The following FGD6 variants were observed in gnomAD, a reference collection of about 807,000 sequenced individuals.
FGD6 encodes FYVE, RhoGEF and PH domain-containing protein 6.
FGD6 carries 90 observed loss-of-function variants against 149.4 expected under a neutral mutation model. That is an observed-to-expected ratio of 0.60 (90% CI 0.51 to 0.72). The LOEUF is 0.72. Among genes scored for constraint, FGD6 ranks in the 30% least tolerant of loss-of-function variants. The probability of loss-of-function intolerance (pLI) is 0.00; values close to 1 mark genes in which losing one functional copy is unlikely to be tolerated. For missense variants in FGD6, 1,437 were observed against 1,684.8 expected (o/e 0.85, Z 2.57); for synonymous variants, 527 against 584.0 (o/e 0.90, Z 1.41).
At chr12:95,127,948 CTAATGTAA>C in intron 8 of FGD6, among the ~76,000 whole-genome samples, 1 of 152,168 alleles carries the variant, frequency 6.6e-6, no homozygotes, top group East Asian at 1.9e-4. Flanking sequence ...TGTTTCAACA[CTAATGTAA>C]TAACCTTCCA....
chr12:95,116,746 A>C (rs957792840), intron 8 of FGD6: 21 of 414,302 alleles, frequency 5.1e-5, no homozygotes, highest in Non-Finnish European at 9.2e-5. Context: ...TCTCCAACTT[A>C]TCCATCCATC....
chr12:95,144,460 T>G (rs1327808978), intron 5 of FGD6, among the ~76,000 whole-genome samples: 2 of 152,092 alleles, frequency 1.3e-5, no homozygotes, highest in Non-Finnish European at 2.9e-5. Context: ...TGGCGTGATC[T>G]CAGCTCACCA....
chr12:95,177,622 T>C (rs7975658), intron 2 of FGD6, among the ~76,000 whole-genome samples: 133,116 of 152,134 alleles, frequency 0.87, 58,580 homozygotes, highest in African/African-American at 0.96. Flanking sequence ...AAATGCTGTC[T>C]CATTATGACT....
At chr12:95,137,481 A>G (rs1879700736) in intron 7 of FGD6, 41 bp downstream of exon 7, 12 of 1,427,520 alleles carry the variant, frequency 8.4e-6, no homozygotes, top group Non-Finnish European at 1.1e-5. Context: ...TTCAACAACA[A>G]AAAGAAAGAG....
Position 95,091,697 on chromosome 12 carries a change from T to C in FGD6, c.3850+10A>G, listed in dbSNP as rs1878058293. On this transcript the variant is annotated intron_variant, in intron 17 of 20. Transcript: ENST00000343958. Reference sequence around the variant, plus strand: ...AGGAATTTTTGGTTAAATCCTTACTTATATATTACCTAATTTCTGCAGTTC... The same window carrying C: ...AGGAATTTTTGGTTAAATCCTTACTCATATATTACCTAATTTCTGCAGTTC... 9 of 1,605,326 alleles carry C rather than the reference T, an allele frequency of 5.6e-6. No homozygotes were observed. The highest frequency in any genetic ancestry group is 7.7e-6 in the Non-Finnish European group (9 of 1,174,904).
At chr12:95,145,274 C>T (rs1251356781) in intron 5 of FGD6, among the ~76,000 whole-genome samples, 5 of 152,188 alleles carry the variant, frequency 3.3e-5, no homozygotes, top group African/African-American at 1.2e-4. Flanking sequence ...CAGGCGTGAG[C>T]CATTGTGTCC....
At chr12:95,176,602 A>G (rs987104485) in intron 2 of FGD6, among the ~76,000 whole-genome samples, 1 of 152,160 alleles carries the variant, frequency 6.6e-6, no homozygotes, top group African/African-American at 2.4e-5. Context: ...ATTCCTACTG[A>G]TGGGTAACTG....
At chr12:95,203,870 G>A (rs1382970227) in intron 2 of FGD6, among the ~76,000 whole-genome samples, 6 of 152,084 alleles carry the variant, frequency 3.9e-5, no homozygotes, top group Non-Finnish European at 8.8e-5. Flanking sequence ...CCAACATTTG[G>A]ACACTATTAT....
intron 2 of FGD6, among the ~76,000 whole-genome samples, chr12:95,188,029 TTAA>T (rs1407730751): frequency 6.6e-6 from 1 of 152,230 alleles, no homozygotes; most frequent in Admixed American, 6.5e-5. Context: ...CCCTCTTTGC[TTAA>T]TAATGATCAC....
chr12:95,103,544 A>G (rs1305006439), intron 14 of FGD6, among the ~76,000 whole-genome samples: 1 of 151,950 alleles, frequency 6.6e-6, no homozygotes, highest in African/African-American at 2.4e-5. Context: ...CCCTCCCTCC[A>G]TTCTTTCTGA....
At chr12:95,083,012 A>ATATAT (rs60594478) in intron 20 of FGD6, among the ~76,000 whole-genome samples, 3 of 20,038 alleles carry the variant, frequency 1.5e-4, no homozygotes, top group Admixed American at 5.4e-4. Context: ...AAAAAAAAAA[A>ATATAT]ATATATATAT....
chr12:95,198,181 G>C lies in FGD6; in HGVS notation c.2441+10662C>G, dbSNP rs376843846. Among the ~76,000 whole-genome samples the C allele has an allele frequency of 1.4e-4, 21 of 152,244 alleles. No homozygotes were observed. In the East Asian group the frequency reaches 1.5e-3, roughly 11 times the overall value. On this transcript the variant is annotated intron_variant, in intron 2 of 20. Transcript: ENST00000343958. Reference sequence around the variant, plus strand: ...TAGTGAAACCATGGCTCACAGCAAAGCACAACATCAACATGTTCTGATTAA... The same window carrying C: ...TAGTGAAACCATGGCTCACAGCAAACCACAACATCAACATGTTCTGATTAA...
intron 3 of FGD6, among the ~76,000 whole-genome samples, chr12:95,171,086 C>A (rs980908049): frequency 6.6e-6 from 1 of 152,166 alleles, no homozygotes; most frequent in South Asian, 2.1e-4. Context: ...TTAATCTTCA[C>A]AATTCTATGA....
At chr12:95,164,393 AT>A (rs1350175288) in intron 3 of FGD6, among the ~76,000 whole-genome samples, 1 of 150,832 alleles carries the variant, frequency 6.6e-6, no homozygotes, top group Non-Finnish European at 1.5e-5. Flanking sequence ...TGTTCTTATC[AT>A]ATGTGTTCAC....
At chr12:95,138,608 C>A (rs1260936114) in intron 6 of FGD6, among the ~76,000 whole-genome samples, 1 of 152,018 alleles carries the variant, frequency 6.6e-6, no homozygotes, top group Non-Finnish European at 1.5e-5. Context: ...CCTTTCTGAC[C>A]CCTGTCACAC....
intron 6 of FGD6, among the ~76,000 whole-genome samples, chr12:95,138,246 A>AAATAAATAACTC (rs796444898): frequency 0.13 from 18,325 of 141,742 alleles, 1,391 homozygotes; most frequent in Non-Finnish European, 0.15. Context: ...ATAAATAAAT[A>AAATAAATAACTC]ACTCACTCAC....
chr12:95,142,568 G>A (rs1336891658), intron 5 of FGD6, among the ~76,000 whole-genome samples: 1 of 152,204 alleles, frequency 6.6e-6, no homozygotes, highest in Non-Finnish European at 1.5e-5. Flanking sequence ...ATGAGCCACC[G>A]TGCCTGGCAG....
chr12:95,105,743 G>A (rs1023733922), intron 13 of FGD6, among the ~76,000 whole-genome samples: 3 of 152,154 alleles, frequency 2.0e-5, no homozygotes, highest in Non-Finnish European at 2.9e-5. Flanking sequence ...GCATAAACAG[G>A]CAGGGCGCAG....
chr12:95,114,549 A>T (rs1878949214), intron 8 of FGD6, among the ~76,000 whole-genome samples: 1 of 151,986 alleles, frequency 6.6e-6, no homozygotes, highest in Non-Finnish European at 1.5e-5. Flanking sequence ...AAAAAAAATT[A>T]TCTGACCCCA....
Sources: allele counts gnomAD v4.1 joint callset (sites outside exome capture counted in the v4.1 genomes callset), GRCh38; gene constraint gnomAD v4.1.1; transcripts MANE v1.5; gene names NCBI Gene and HGNC (gene_info 2026-07-23, HGNC 2026-07-21).